The following SBSPON variants were observed in gnomAD, a reference collection of about 807,000 sequenced individuals.
SBSPON encodes somatomedin-B and thrombospondin type-1 domain-containing protein.
SBSPON carries 30 observed loss-of-function variants against 35.8 expected under a neutral mutation model. That is an observed-to-expected ratio of 0.84 (90% CI 0.63 to 1.14). The LOEUF (loss-of-function observed/expected upper bound fraction) is 1.14, where lower values mean the gene tolerates loss of function less well. SBSPON is among the 50% of genes most tolerant of loss of function. The pLI, the probability that SBSPON is intolerant of heterozygous loss-of-function variation, is 0.00. For synonymous variants in SBSPON, 136 were observed against 135.9 expected, an observed-to-expected ratio of 1.00 and a Z score of 0.00; for missense variants, 364 against 357.7, an observed-to-expected ratio of 1.02 and a Z score of -0.14.
chr8:73,069,944 G>A lies in SBSPON; in HGVS notation c.538C>T (p.His180Tyr). The change falls in exon 4 of 5, where the codon CAC becomes TAC. Residue 180 changes from histidine to tyrosine, a missense_variant. Physicochemically the swap from His to Tyr is moderately conservative, Grantham distance 83. Transcript: ENST00000297354. Reference protein sequence around the residue: ...MEFKTESLTPHCALENWPLTR... With the variant: ...MEFKTESLTPYCALENWPLTR... ...AAGGGCCAGTTTTCCAGAGCACAGT[G>A]AGGAGTCAAGGACTCTGTCTTAAAC... is the stretch of plus-strand genomic sequence containing the variant. 6.2e-7 allele frequency: 1 copy of A among 1,608,770 alleles called. No homozygotes were observed. The highest frequency in any genetic ancestry group is 8.5e-7 in the Non-Finnish European group (1 of 1,176,730).
At chr8:73,071,735 A>G in intron 3 of SBSPON, 45 bp downstream of exon 3, 3 of 1,161,600 alleles carry the variant, frequency 2.6e-6, no homozygotes, top group Non-Finnish European at 2.5e-6. Flanking sequence ...ACTTGACTAT[A>G]CAATTGAAAA....
intron 4 of SBSPON, 96 bp downstream of exon 4, chr8:73,069,709 G>A (rs2129986416): frequency 1.0e-6 from 1 of 997,788 alleles, no homozygotes; most frequent in Middle Eastern, 2.1e-4. Flanking sequence ...GTCATCCCTT[G>A]ATATGTTACA....
At chr8:73,089,457 G>A (rs1246764016) in intron 1 of SBSPON, among the ~76,000 whole-genome samples, 1 of 152,000 alleles carries the variant, frequency 6.6e-6, no homozygotes, top group Non-Finnish European at 1.5e-5. Flanking sequence ...TCAGGAAGCT[G>A]AGGCAGGAGA....
At chr8:73,089,180 T>C (rs1461105844) in intron 1 of SBSPON, among the ~76,000 whole-genome samples, 1 of 152,244 alleles carries the variant, frequency 6.6e-6, no homozygotes, top group African/African-American at 2.4e-5. Context: ...AAATGAGTTA[T>C]GAAAAAGCTT....
chr8:73,089,956 T>C (rs184349213), intron 1 of SBSPON, among the ~76,000 whole-genome samples: 6 of 152,336 alleles, frequency 3.9e-5, no homozygotes, highest in South Asian at 4.1e-4. Context: ...CACAACTCAC[T>C]GTAGTCTCTA....
intron 1 of SBSPON, among the ~76,000 whole-genome samples, chr8:73,084,693 T>A (rs1387608551): frequency 6.6e-6 from 1 of 151,282 alleles, no homozygotes; most frequent in Non-Finnish European, 1.5e-5. Context: ...TACTTCCTCT[T>A]CAGGGAGTCT....
rs762006557 is a variant in SBSPON at position 73,071,900 on chromosome 8, G to T, written c.410-30C>A. 2.1e-5 allele frequency: 29 copies of T among 1,414,234 alleles called. No homozygotes were observed. The East Asian group carries it at 5.9e-4, about 29-fold the overall frequency. 87.6% of individuals were successfully genotyped at this position (1,414,234 alleles called of 1,614,324 possible). A position where few individuals can be genotyped will look rare whatever the true frequency, so the allele number is the denominator to read the frequency against. Reference sequence around the variant, plus strand: ...AAAAGGGAGATTTCTGTTGAATTCAGGGAGCCAAAGTACTCAGACCATCGT... The same window carrying T: ...AAAAGGGAGATTTCTGTTGAATTCATGGAGCCAAAGTACTCAGACCATCGT... On this transcript the variant is annotated intron_variant, in intron 2 of 4. Transcript: ENST00000297354.
intron 1 of SBSPON, among the ~76,000 whole-genome samples, chr8:73,086,268 CT>C (rs1310820990): frequency 1.1e-4 from 17 of 151,948 alleles, no homozygotes; most frequent in African/African-American, 3.4e-4. Flanking sequence ...TCAAGAGATT[CT>C]CATGCTTCAG....
chr8:73,067,331 A>G lies in SBSPON; in HGVS notation c.*10T>C, dbSNP rs1404807398. ...TTTACAAATGCATTTGGAAATATTTATATCACCATCTATATAAAAATAAAA... is the reference window on the plus strand; with the variant it reads ...TTTACAAATGCATTTGGAAATATTTGTATCACCATCTATATAAAAATAAAA... On this transcript the variant is annotated 3_prime_UTR_variant, in exon 5 of 5. Coordinates refer to ENST00000297354, the MANE Select transcript of SBSPON (RefSeq NM_153225.4). The G allele has an allele frequency of 7.5e-7, 1 of 1,332,546 alleles. No homozygotes were observed. Among genetic ancestry groups the G allele is most frequent in the Non-Finnish European group, 1.1e-6 (1 of 924,024 alleles). The allele number at this position is 1,332,546 out of a possible 1,614,324, so 82.5% of individuals were successfully genotyped here.
At chr8:73,091,847 G>T (rs1317044695) in intron 1 of SBSPON, among the ~76,000 whole-genome samples, 2 of 152,216 alleles carry the variant, frequency 1.3e-5, no homozygotes, top group East Asian at 3.9e-4. Flanking sequence ...ACAGAGGCAG[G>T]AGGGTGCTCC....
In SBSPON at chr8:73,065,092, TAAC is replaced by T. The variant is rs1810362707; in HGVS notation, c.*2246_*2248del. ...TTCCCTTGGGCTTTGCTAAAATTAA[TAAC>T]AAGCTTTTCAAAACTGTTATTTAAC... On this transcript the variant is annotated 3_prime_UTR_variant, in exon 5 of 5. Coordinates refer to ENST00000297354, the MANE Select transcript of SBSPON (RefSeq NM_153225.4). 6.6e-6 allele frequency: 1 copy of T among 152,204 alleles called. No homozygotes were observed. The highest frequency in any genetic ancestry group is 1.5e-5 in the Non-Finnish European group (1 of 68,028). The allele number at this position is 152,204 out of a possible 1,614,324, so 9.4% of individuals were successfully genotyped here.
intron 1 of SBSPON, among the ~76,000 whole-genome samples, chr8:73,091,827 T>C (rs1810940339): frequency 6.6e-6 from 1 of 152,228 alleles, no homozygotes; most frequent in Non-Finnish European, 1.5e-5. Context: ...TGAAGCCCTC[T>C]TCAAACAGCA....
At chr8:73,080,047 AAC>A (rs1366754029) in intron 2 of SBSPON, among the ~76,000 whole-genome samples, 1 of 152,076 alleles carries the variant, frequency 6.6e-6, no homozygotes, top group East Asian at 1.9e-4. Context: ...AATGCAGATC[AAC>A]ACATCAGCTT....
chr8:73,086,403 C>T (rs149877040), intron 1 of SBSPON, among the ~76,000 whole-genome samples: 1,635 of 152,200 alleles, frequency 0.011, 21 homozygotes, highest in African/African-American at 0.037. Context: ...TTCAGGTGAT[C>T]CTTCCACCTT....
At chr8:73,090,216 G>A (rs552738850) in intron 1 of SBSPON, among the ~76,000 whole-genome samples, 11 of 152,204 alleles carry the variant, frequency 7.2e-5, no homozygotes, top group Non-Finnish European at 1.5e-4. Flanking sequence ...TAGGCCCCAC[G>A]AGGGTGACTT....
At chr8:73,085,527 C>A (rs2130033205) in intron 1 of SBSPON, 1 of 152,008 alleles carries the variant, frequency 6.6e-6, no homozygotes, top group Admixed American at 6.5e-5. Context: ...TTCCTCCCAG[C>A]CAGACTCTCC....
intron 1 of SBSPON, among the ~76,000 whole-genome samples, chr8:73,088,107 CCAGAA>C (rs1197284065): frequency 1.3e-5 from 2 of 152,264 alleles, no homozygotes; most frequent in East Asian, 3.9e-4. Flanking sequence ...TGAGATCATT[CCAGAA>C]CAGATGTCTT....
chr8:73,072,270 A>C (rs1810506888), intron 2 of SBSPON, among the ~76,000 whole-genome samples: 1 of 146,066 alleles, frequency 6.8e-6, no homozygotes, highest in African/African-American at 2.5e-5. Context: ...GGGAGAAATA[A>C]GATAATAAAA....
At chr8:73,089,057 A>C (rs1467932317) in intron 1 of SBSPON, among the ~76,000 whole-genome samples, 1 of 152,234 alleles carries the variant, frequency 6.6e-6, no homozygotes, top group Non-Finnish European at 1.5e-5. Flanking sequence ...CCCTCTACTC[A>C]GCAGGGTCTG....
Sources: gnomAD v4.1 joint callset for allele counts (sites outside exome capture counted in the v4.1 genomes callset) on GRCh38, gnomAD v4.1.1 for gene constraint, MANE v1.5 for transcripts, NCBI Gene and HGNC (gene_info 2026-07-23, HGNC 2026-07-21) for gene names.